Variants in FBXL18 observed in about 807,000 individuals in gnomAD.
FBXL18 encodes the protein F-box/LRR-repeat protein 18.
In FBXL18, 36 loss-of-function variants were observed where a neutral mutation model predicts 46.0. The observed-to-expected ratio is 0.78, with a 90% CI of 0.60 to 1.03. FBXL18 has a LOEUF of 1.03. Ranked by LOEUF, FBXL18 falls within the 50% of genes least tolerant of loss-of-function variation. The pLI is 0.00. For synonymous variants in FBXL18, 557 were observed against 465.3 expected, an observed-to-expected ratio of 1.20 and a Z score of -2.54; for missense variants, 977 against 1,004.1, an observed-to-expected ratio of 0.97 and a Z score of 0.36.
chr7:5,507,152 C>T (rs1219421239), intron 1 of FBXL18, among the ~76,000 whole-genome samples: 1 of 152,182 alleles, frequency 6.6e-6, no homozygotes, highest in Non-Finnish European at 1.5e-5. Flanking sequence ...CTGGCTCCAG[C>T]CTGCTCCTGC....
intron 1 of FBXL18, among the ~76,000 whole-genome samples, chr7:5,510,799 A>C (rs1784513599): frequency 6.6e-6 from 1 of 152,080 alleles, no homozygotes; most frequent in Non-Finnish European, 1.5e-5. Context: ...CACCACCAGG[A>C]AAGGGCAGCT....
intron 3 of FBXL18, among the ~76,000 whole-genome samples, chr7:5,495,239 T>G (rs950050000): frequency 3.3e-5 from 5 of 152,136 alleles, no homozygotes; most frequent in Non-Finnish European, 5.9e-5. Context: ...GAGCTCACAG[T>G]GCGGGGGCTC....
At chr7:5,467,602 C>T (rs938518635) in intron 4 of FBXL18, among the ~76,000 whole-genome samples, 2 of 151,864 alleles carry the variant, frequency 1.3e-5, no homozygotes, top group African/African-American at 4.8e-5. Context: ...TTTTGGGCAG[C>T]AGCTGAGAGC....
chr7:5,486,535 C>G (rs191270367), intron 4 of FBXL18, among the ~76,000 whole-genome samples: 228 of 152,036 alleles, frequency 1.5e-3, no homozygotes, highest in African/African-American at 5.4e-3. Flanking sequence ...CACCTGTAGT[C>G]CCAGGTACTG....
At position 5,513,805 on chromosome 7, in the gene FBXL18, C is replaced by T; in HGVS notation, c.-131G>A. 1 of 1,297,406 alleles carries T rather than the reference C, an allele frequency of 7.7e-7. No homozygotes were observed. The highest frequency in any genetic ancestry group is 2.5e-5 in the Admixed American group (1 of 40,642). 80.4% of individuals were successfully genotyped at this position (1,297,406 alleles called of 1,614,324 possible). A position where few individuals can be genotyped will look rare whatever the true frequency, so the allele number is the denominator to read the frequency against. On this transcript the variant is annotated 5_prime_UTR_variant, in exon 1 of 5. It adds an upstream start codon to the 5' untranslated region. Coordinates refer to ENST00000382368, the MANE Select transcript of FBXL18 (RefSeq NM_024963.6). ...CCCGGCAAGGAGCGGGCTCTCGTCA[C>T]TTCCGGCGCCCGCCTACACGCACTT...
intron 4 of FBXL18, chr7:5,489,578 G>A: frequency 8.0e-6 from 2 of 248,572 alleles, no homozygotes; most frequent in South Asian, 8.6e-5. Context: ...AGACCATCCT[G>A]GCCAACACAG....
chr7:5,459,469 G>A (rs560602999), intron 4 of FBXL18, among the ~76,000 whole-genome samples: 67 of 152,268 alleles, frequency 4.4e-4, no homozygotes, highest in African/African-American at 1.5e-3. Context: ...GGCTGGGCAC[G>A]GTGGCTCACA....
chr7:5,460,095 A>G (rs1783222915), intron 4 of FBXL18, among the ~76,000 whole-genome samples: 1 of 152,018 alleles, frequency 6.6e-6, no homozygotes, highest in Admixed American at 6.6e-5. Flanking sequence ...CCCCATCTCT[A>G]CAAAAAAAAT....
chr7:5,492,158 C>T (rs1183103926), intron 3 of FBXL18, among the ~76,000 whole-genome samples: 1 of 149,546 alleles, frequency 6.7e-6, no homozygotes, highest in African/African-American at 2.5e-5. Flanking sequence ...GACGGGAGAA[C>T]CCAGGGGAAA....
chr7:5,474,222 T>C (rs1268403507), downstream of FBXL18, among the ~76,000 whole-genome samples: 1 of 151,660 alleles, frequency 6.6e-6, no homozygotes, highest in Non-Finnish European at 1.5e-5. Flanking sequence ...GAGTTTCAGT[T>C]GGGAAAGATG....
chr7:5,487,265 G>A (rs1391380588), intron 4 of FBXL18, among the ~76,000 whole-genome samples: 1 of 152,268 alleles, frequency 6.6e-6, no homozygotes, highest in African/African-American at 2.4e-5. Flanking sequence ...CTGATGCCAC[G>A]AGGAAGCTGT....
At chr7:5,493,680 CGTGCGT>C (rs1354571567) in intron 3 of FBXL18, among the ~76,000 whole-genome samples, 18 of 135,260 alleles carry the variant, frequency 1.3e-4, no homozygotes, top group Non-Finnish European at 2.1e-4. Context: ...TGCGTGCGTG[CGTGCGT>C]GTGTGTGTGT....
intron 3 of FBXL18, 37 bp from the exon 4 acceptor site, chr7:5,491,486 G>T: frequency 6.6e-7 from 1 of 1,506,322 alleles, no homozygotes; most frequent in Non-Finnish European, 8.9e-7. Context: ...GTCCGAGGGA[G>T]GGGCTCGCAG....
chr7:5,464,480 G>A (rs1481097122), intron 4 of FBXL18, among the ~76,000 whole-genome samples: 11 of 151,220 alleles, frequency 7.3e-5, no homozygotes. Context: ...ACTCCATCTC[G>A]AAAATAAAAT....
At position 5,481,856 on chromosome 7, in the gene FBXL18, C is replaced by A; in HGVS notation, c.2076G>T (p.Arg692=). The A allele has an allele frequency of 1.2e-6, 2 of 1,613,866 alleles. No homozygotes were observed. The highest frequency in any genetic ancestry group is 8.5e-7 in the Non-Finnish European group (1 of 1,179,970). The stretch of plus-strand genomic sequence containing the variant: ...CATCCAGGTGCACCAGGGGGACGTC[C>A]CGGATGACGTCGGTCAGGCCCTCGT... ...LLHEGLTDVI[R]DVPLVHLDEI... The change falls in exon 5 of 5, where the codon CGG becomes CGT. Residue 692 remains arginine, a synonymous_variant. Transcript: ENST00000382368.
chr7:5,497,243 C>T (rs1347337004), intron 3 of FBXL18, among the ~76,000 whole-genome samples: 1 of 151,864 alleles, frequency 6.6e-6, no homozygotes, highest in Admixed American at 6.6e-5. Context: ...ATGCATTTTG[C>T]GTCAAATTTC....
At chr7:5,471,256 C>T (rs1783422499), downstream of FBXL18, among the ~76,000 whole-genome samples, 1 of 152,216 alleles carries the variant, frequency 6.6e-6, no homozygotes. Context: ...CCAGCCACGA[C>T]TCCCGAGGCT....
intron 1 of FBXL18, among the ~76,000 whole-genome samples, chr7:5,507,256 C>G (rs530643953): frequency 6.6e-6 from 1 of 152,150 alleles, no homozygotes; most frequent in Non-Finnish European, 1.5e-5. Context: ...AAGAGCCTAT[C>G]TGCACACCCC....
chr7:5,501,503 C>T lies in FBXL18; in HGVS notation c.766G>A (p.Asp256Asn). The change falls in exon 3 of 5, where the codon GAC (aspartate) becomes AAC (asparagine). Residue 256 changes from aspartate to asparagine, a missense_variant. By Grantham distance (23) the Asp-to-Asn change is conservative. Coordinates refer to ENST00000382368, the MANE Select transcript of FBXL18 (RefSeq NM_024963.6). ...VVRLYLAVLS[D>N]RTPQNLHAFL... ...GCGTGGAGGTTCTGAGGAGTGCGGT[C>T]GCTAAGCACAGCCAGGTAGAGCCGC... 6.2e-7 allele frequency: 1 copy of T among 1,613,792 alleles called. No individual in the cohort carries two copies. The highest frequency in any genetic ancestry group is 8.5e-7 in the Non-Finnish European group (1 of 1,180,004).
Sources: allele counts gnomAD v4.1 joint callset (sites outside exome capture counted in the v4.1 genomes callset), GRCh38; gene constraint gnomAD v4.1.1; transcripts MANE v1.5; gene names NCBI Gene and HGNC (gene_info 2026-07-23, HGNC 2026-07-21).